Variants in PLPPR5 observed in about 807,000 individuals in gnomAD.
PLPPR5 encodes phospholipid phosphatase related 5.
PLPPR5 carries 16 observed loss-of-function variants against 33.9 expected under a neutral mutation model. That is an observed-to-expected ratio of 0.47 (90% confidence interval 0.32 to 0.72). The LOEUF is 0.72. PLPPR5 is among the 30% of genes least tolerant of loss of function. The pLI, the probability that PLPPR5 is intolerant of heterozygous loss-of-function variation, is 0.03. For missense variants in PLPPR5, 301 were observed against 406.7 expected (o/e 0.74, Z 2.23); for synonymous variants, 163 against 150.3 (o/e 1.08, Z -0.62).
At chr1:99,001,679 T>TAG (rs1440453842) in intron 1 of PLPPR5, among the ~76,000 whole-genome samples, 1 of 140,616 alleles carries the variant, frequency 7.1e-6, no homozygotes, top group Non-Finnish European at 1.5e-5. Context: ...AAGATATATA[T>TAG]ATATATATAT....
At chr1:98,984,192 G>A (rs1652167272) in intron 1 of PLPPR5, among the ~76,000 whole-genome samples, 1 of 151,992 alleles carries the variant, frequency 6.6e-6, no homozygotes, top group Non-Finnish European at 1.5e-5. Flanking sequence ...AGGATAAGCT[G>A]GACATGGAAC....
chr1:98,980,973 T>A (rs1480744526), intron 1 of PLPPR5, among the ~76,000 whole-genome samples: 1 of 152,010 alleles, frequency 6.6e-6, no homozygotes, highest in Non-Finnish European at 1.5e-5. Context: ...AACCATCTAA[T>A]CAAAAATGCA....
At chr1:98,983,657 C>T (rs868706273) in intron 1 of PLPPR5, among the ~76,000 whole-genome samples, 2 of 146,776 alleles carry the variant, frequency 1.4e-5, no homozygotes, top group Admixed American at 1.4e-4. Context: ...CCTGAGGAAT[C>T]GCCACACTGA....
chr1:98,897,550 A>C (rs1648524398), intron 5 of PLPPR5, among the ~76,000 whole-genome samples: 1 of 152,176 alleles, frequency 6.6e-6, no homozygotes, highest in Non-Finnish European at 1.5e-5. Flanking sequence ...GATTGATGAT[A>C]AAAAGCTTTT....
chr1:98,975,167 C>A (rs780899608), intron 1 of PLPPR5, among the ~76,000 whole-genome samples: 1 of 152,082 alleles, frequency 6.6e-6, no homozygotes, highest in South Asian at 2.1e-4. Context: ...CCCTTCTATG[C>A]CTTGACTGCG....
At chr1:98,931,821 G>C (rs1326804404) in intron 3 of PLPPR5, among the ~76,000 whole-genome samples, 1 of 152,180 alleles carries the variant, frequency 6.6e-6, no homozygotes, top group African/African-American at 2.4e-5. Flanking sequence ...AGGCCATAAA[G>C]GGGATATGAG....
chr1:98,982,629 T>G (rs1327706807), intron 1 of PLPPR5, among the ~76,000 whole-genome samples: 1 of 152,134 alleles, frequency 6.6e-6, no homozygotes, highest in Non-Finnish European at 1.5e-5. Context: ...TAGAATAAAG[T>G]GTTGCCAGAT....
chr1:98,922,230 C>T (rs917627638), intron 3 of PLPPR5, among the ~76,000 whole-genome samples, 172 bp from the exon 4 acceptor site: 3 of 152,150 alleles, frequency 2.0e-5, no homozygotes, highest in Non-Finnish European at 2.9e-5. Flanking sequence ...AAGCAGAATT[C>T]AAGAGTAGCA....
intron 3 of PLPPR5, among the ~76,000 whole-genome samples, chr1:98,928,979 C>T (rs901259034): frequency 2.0e-5 from 3 of 151,908 alleles, no homozygotes; most frequent in Non-Finnish European, 2.9e-5. Context: ...GTTACTTCAT[C>T]AAAGTTAACC....
At chr1:98,946,297 A>G (rs1354934287) in intron 3 of PLPPR5, among the ~76,000 whole-genome samples, 1 of 152,162 alleles carries the variant, frequency 6.6e-6, no homozygotes, top group African/African-American at 2.4e-5. Flanking sequence ...GGTATTCAAT[A>G]TATATTTATG....
At chr1:98,930,985 A>G (rs1013331298) in intron 3 of PLPPR5, among the ~76,000 whole-genome samples, 1 of 152,138 alleles carries the variant, frequency 6.6e-6, no homozygotes, top group African/African-American at 2.4e-5. Context: ...AGATTCTACC[A>G]TTCACAACAA....
At chr1:98,972,441 C>T (rs888661666) in intron 1 of PLPPR5, among the ~76,000 whole-genome samples, 5 of 151,942 alleles carry the variant, frequency 3.3e-5, no homozygotes, top group African/African-American at 7.2e-5. Flanking sequence ...ATAATCTCCC[C>T]GTATGAACTT....
Position 98,963,373 on chromosome 1 carries a change from G to C in PLPPR5, c.238-6632C>G, listed in dbSNP as rs112492209. 8.7e-4 allele frequency among the ~76,000 whole-genome samples: 132 copies of C among 152,306 alleles called. 1 individual carries two copies. The highest frequency in any genetic ancestry group is 6.8e-3 in the Middle Eastern group (2 of 294). On this transcript the variant is annotated intron_variant, in intron 1 of 5. Transcript: ENST00000263177. The stretch of plus-strand genomic sequence containing the variant: ...ACATCTGTGTCTTCCACTCAGTTGA[G>C]AGCCTCTCTGAGGTAAGGATTGCAT...
At chr1:98,942,496 C>T (rs1213519516) in intron 3 of PLPPR5, among the ~76,000 whole-genome samples, 1 of 152,184 alleles carries the variant, frequency 6.6e-6, no homozygotes, top group East Asian at 1.9e-4. Flanking sequence ...TAGGTGAAAG[C>T]AGTGTGGCAG....
chr1:98,908,099 G>A (rs1305809269), intron 5 of PLPPR5, among the ~76,000 whole-genome samples: 1 of 152,144 alleles, frequency 6.6e-6, no homozygotes, highest in Non-Finnish European at 1.5e-5. Flanking sequence ...GATCCAAGGT[G>A]TTGAGACGTT....
At chr1:98,976,931 T>C (rs1462051467) in intron 1 of PLPPR5, among the ~76,000 whole-genome samples, 1 of 152,024 alleles carries the variant, frequency 6.6e-6, no homozygotes, top group African/African-American at 2.4e-5. Context: ...TAGCAGCAGA[T>C]AATTGCTCCA....
chr1:98,912,392 A>C (rs72730310), intron 5 of PLPPR5, among the ~76,000 whole-genome samples: 26,130 of 152,162 alleles, frequency 0.17, 2,499 homozygotes, highest in Non-Finnish European at 0.21. Context: ...AGGCTGGGTG[A>C]AATCTGCTCC....
chr1:98,951,287 A>C (rs1650774716), intron 3 of PLPPR5, among the ~76,000 whole-genome samples: 1 of 152,220 alleles, frequency 6.6e-6, no homozygotes, highest in South Asian at 2.1e-4. Flanking sequence ...TTTCTTGAAT[A>C]GGAAAGAATA....
intron 4 of PLPPR5, 21 bp downstream of exon 4, chr1:98,921,861 T>C (rs376108461): frequency 1.2e-5 from 19 of 1,582,526 alleles, no homozygotes; most frequent in East Asian, 6.7e-5. Flanking sequence ...CCCAATGATA[T>C]ATAAATAAAT....
Sources: allele counts gnomAD v4.1 joint callset (sites outside exome capture counted in the v4.1 genomes callset), GRCh38; gene constraint gnomAD v4.1.1; transcripts MANE v1.5; gene names NCBI Gene and HGNC (gene_info 2026-07-23, HGNC 2026-07-21).